Variants in NFIB observed in about 807,000 individuals in gnomAD.
NFIB encodes nuclear factor 1 B-type.
In NFIB, 11 loss-of-function variants were observed where a neutral mutation model predicts 61.5. The observed-to-expected ratio is 0.18, with a 90% CI of 0.11 to 0.30. The LOEUF is 0.30. Among genes scored for constraint, NFIB ranks in the 10% least tolerant of loss-of-function variants. The pLI, the probability that NFIB is intolerant of heterozygous loss-of-function variation, is 1.00. For missense variants in NFIB, 471 were observed against 608.9 expected, an observed-to-expected ratio of 0.77 and a Z score of 2.38; for synonymous variants, 260 against 216.5, an observed-to-expected ratio of 1.20 and a Z score of -1.76.
chr9:14,416,985 C>T, the NFIB span, among the ~76,000 whole-genome samples: 10 of 150,942 alleles, frequency 6.6e-5, no homozygotes, highest in South Asian at 2.1e-4. Context: ...CTCCGCCTCT[C>T]GGGTTCAAGC....
At chr9:14,121,736 ATTAC>A (rs572482990) in intron 7 of NFIB, among the ~76,000 whole-genome samples, 14 of 152,326 alleles carry the variant, frequency 9.2e-5, no homozygotes, top group South Asian at 2.1e-4. Context: ...AGGTAAGTAT[ATTAC>A]TTTACCCATA....
chr9:14,349,448 T>G (rs1697907504), intron 1 of NFIB, among the ~76,000 whole-genome samples: 1 of 152,148 alleles, frequency 6.6e-6, no homozygotes, highest in Non-Finnish European at 1.5e-5. Context: ...CCAAAGGCAT[T>G]CCGCGTTATG....
chr9:14,185,084 T>TA (rs1563877144), intron 2 of NFIB, among the ~76,000 whole-genome samples: 8 of 19,882 alleles, frequency 4.0e-4, no homozygotes, highest in South Asian at 9.6e-3. Context: ...AATATTGTTT[T>TA]AAAAAAAGTA....
chr9:14,387,384 T>A (rs1013945), intron 1 of NFIB, among the ~76,000 whole-genome samples: 117,381 of 152,144 alleles, frequency 0.77, 45,409 homozygotes, highest in African/African-American at 0.8. Flanking sequence ...TAACTAAAAA[T>A]TAAAAGCTTT....
the NFIB span, among the ~76,000 whole-genome samples, chr9:14,457,739 C>T: frequency 6.6e-6 from 1 of 152,102 alleles, no homozygotes; most frequent in African/African-American, 2.4e-5. Context: ...CTATAAACAC[C>T]TCTATGCAAA....
At chr9:14,105,221 C>T (rs2036385369) in intron 10 of NFIB, among the ~76,000 whole-genome samples, 1 of 152,088 alleles carries the variant, frequency 6.6e-6, no homozygotes, top group African/African-American at 2.4e-5. Flanking sequence ...AACCTGACTA[C>T]AGCTATTCAT....
chr9:14,400,119 G>A (rs570505941), upstream of NFIB, among the ~76,000 whole-genome samples: 5 of 152,034 alleles, frequency 3.3e-5, no homozygotes, highest in South Asian at 6.2e-4. Context: ...ATAGTGTATT[G>A]CAAGCAGCAG....
intron 2 of NFIB, among the ~76,000 whole-genome samples, chr9:14,250,626 A>C (rs189081930): frequency 9.6e-4 from 146 of 152,362 alleles, no homozygotes; most frequent in African/African-American, 3.2e-3. Flanking sequence ...ACCTAGAGAA[A>C]AGAGAGTATG....
the NFIB span, among the ~76,000 whole-genome samples, chr9:14,428,820 C>G: frequency 6.6e-6 from 1 of 152,078 alleles, no homozygotes; most frequent in East Asian, 1.9e-4. Context: ...GAAAATAGGA[C>G]CTCCCTTCAG....
At chr9:14,322,597 A>G (rs28680490) in intron 1 of NFIB, among the ~76,000 whole-genome samples, 4 of 144,838 alleles carry the variant, frequency 2.8e-5, no homozygotes, top group Admixed American at 2.0e-4. Flanking sequence ...CCACCCTACC[A>G]CGGCCGGCCT....
chr9:14,286,885 C>T (rs1344841497), intron 2 of NFIB, among the ~76,000 whole-genome samples: 2 of 152,162 alleles, frequency 1.3e-5, no homozygotes, highest in African/African-American at 4.8e-5. Context: ...AATCTCCCTA[C>T]ATGTGCACAA....
chr9:14,319,389 A>G (rs1217758102), intron 1 of NFIB, among the ~76,000 whole-genome samples: 1 of 152,240 alleles, frequency 6.6e-6, no homozygotes, highest in Admixed American at 6.5e-5. Flanking sequence ...CAGATTACAA[A>G]GTCAGCAGTT....
chr9:14,428,696 G>C, the NFIB span, among the ~76,000 whole-genome samples: 2 of 152,144 alleles, frequency 1.3e-5, no homozygotes, highest in African/African-American at 2.4e-5. Flanking sequence ...TTTGAACGTT[G>C]ACATTCAAAT....
the NFIB span, among the ~76,000 whole-genome samples, chr9:14,404,706 G>A: frequency 6.6e-6 from 1 of 152,134 alleles, no homozygotes; most frequent in Admixed American, 6.5e-5. Context: ...ATCTGCTTTG[G>A]GCTTTGACTT....
intron 2 of NFIB, among the ~76,000 whole-genome samples, chr9:14,196,099 G>T (rs10810108): frequency 1.3e-5 from 2 of 151,664 alleles, no homozygotes; most frequent in African/African-American, 4.8e-5. Context: ...TGTTCACGCT[G>T]GTTGAACTTA....
the NFIB span, among the ~76,000 whole-genome samples, chr9:14,445,977 T>C: frequency 2.4e-4 from 37 of 152,286 alleles, no homozygotes; most frequent in African/African-American, 7.0e-4. Flanking sequence ...TGAAAATATA[T>C]TGATTTAATC....
intron 4 of NFIB, among the ~76,000 whole-genome samples, chr9:14,152,503 C>T (rs2042972967): frequency 6.6e-6 from 1 of 152,062 alleles, no homozygotes; most frequent in Non-Finnish European, 1.5e-5. Context: ...GTCTGGCTTC[C>T]TATCACAGTA....
Position 14,083,841 on chromosome 9 carries a change from G to A in NFIB, c.*4468C>T, listed in dbSNP as rs556269716. 1.0e-4 allele frequency: 23 copies of A among 225,466 alleles called. No homozygotes were observed. The highest frequency in any genetic ancestry group is 1.7e-4 in the Admixed American group (3 of 17,506). 14.0% of individuals were successfully genotyped at this position (225,466 alleles called of 1,614,324 possible). ...CCAAGATTCTGCTCCCTGAGGACAC[G>A]TTATGTGAGACATAGCACTGTTTTA... On this transcript the variant is annotated 3_prime_UTR_variant, in exon 11 of 11. Coordinates refer to ENST00000380953, the MANE Select transcript of NFIB (RefSeq NM_001190737.2).
intron 2 of NFIB, among the ~76,000 whole-genome samples, chr9:14,212,374 A>G (rs1367190965): frequency 6.6e-6 from 1 of 152,210 alleles, no homozygotes; most frequent in Non-Finnish European, 1.5e-5. Flanking sequence ...TACTCATTTA[A>G]TTATTAAACT....
Sources: gnomAD v4.1 joint callset for allele counts (sites outside exome capture counted in the v4.1 genomes callset) on GRCh38, gnomAD v4.1.1 for gene constraint, MANE v1.5 for transcripts, NCBI Gene and HGNC (gene_info 2026-07-23, HGNC 2026-07-21) for gene names.